DCAF16: variants seen among roughly 807,000 people sequenced by gnomAD.
DCAF16 encodes the protein DDB1- and CUL4-associated factor 16.
In DCAF16, 10 loss-of-function variants were observed where a neutral mutation model predicts 17.3. The observed-to-expected ratio is 0.58, with a 90% CI of 0.36 to 0.98. The LOEUF (loss-of-function observed/expected upper bound fraction) is 0.98, where lower values mean the gene tolerates loss of function less well. Ranked by LOEUF, DCAF16 falls within the 50% of genes least tolerant of loss-of-function variation. The pLI, the probability that DCAF16 is intolerant of heterozygous loss-of-function variation, is 0.01. For synonymous variants in DCAF16, 111 were observed against 92.8 expected (o/e 1.20, Z -1.12); for missense variants, 249 against 247.6 (o/e 1.01, Z -0.04).
At chr4:17,809,645 CG>C (rs948795182) in intron 1 of DCAF16, 8 of 152,092 alleles carry the variant, frequency 5.3e-5, no homozygotes, top group African/African-American at 1.9e-4. Flanking sequence ...GAGGGAAAAA[CG>C]GCTTCCCTCC....
At chr4:17,805,991 G>A (rs1214411166) in intron 1 of DCAF16, among the ~76,000 whole-genome samples, 1 of 152,090 alleles carries the variant, frequency 6.6e-6, no homozygotes, top group Admixed American at 6.6e-5. Context: ...AGCAAAAAGT[G>A]AAATTAGCTA....
chr4:17,804,001 C>T lies in DCAF16; in HGVS notation c.141G>A (p.Ser47=), dbSNP rs780388370. The change falls in exon 3 of 3, where the codon TCG becomes TCA. Residue 47 remains serine (S), a synonymous_variant. Transcript: ENST00000382247. Reference sequence around the variant, plus strand: ...CCTGCCAGGCAAGACTCTCAAGAGGCGATAAGTTGGGCACCATAGAGTCCT... The same window carrying T: ...CCTGCCAGGCAAGACTCTCAAGAGGTGATAAGTTGGGCACCATAGAGTCCT... ...EEEDSMVPNL[S]PLESLAWQVK... is the part of the protein sequence containing the mutation. 6.2e-6 allele frequency: 10 copies of T among 1,614,016 alleles called. No individual in the cohort carries two copies. Among genetic ancestry groups the T allele is most frequent in the South Asian group, 2.2e-5 (2 of 91,080 alleles).
chr4:17,808,018 C>T (rs982652473), intron 1 of DCAF16, among the ~76,000 whole-genome samples: 2 of 152,128 alleles, frequency 1.3e-5, no homozygotes, highest in African/African-American at 2.4e-5. Context: ...TAAGTAACTA[C>T]CACAAGCATG....
rs1476243606 is a variant in DCAF16, at chr4:17,804,169, A to C, written c.-28T>G. The C allele has an allele frequency of 6.3e-7, 1 of 1,579,544 alleles. No homozygotes were observed. The highest frequency in any genetic ancestry group is 1.4e-5 in the African/African-American group (1 of 72,978). On this transcript the variant is annotated 5_prime_UTR_variant, in exon 3 of 3. Coordinates refer to ENST00000382247, the MANE Select transcript of DCAF16 (RefSeq NM_017741.4). ...GAATAAAACACAGTAAGGAACCAGA[A>C]AAAGGTAATAATCTAAGCCAGCAGA...
chr4:17,793,899 A>G, the DCAF16 span, among the ~76,000 whole-genome samples: 1 of 152,174 alleles, frequency 6.6e-6, no homozygotes. Flanking sequence ...GGTTTACTCA[A>G]TAGATTTGAT....
At chr4:17,796,291 TTG>T (rs1719423599), downstream of DCAF16, among the ~76,000 whole-genome samples, 1 of 152,184 alleles carries the variant, frequency 6.6e-6, no homozygotes. Flanking sequence ...TGTTCCAAAT[TTG>T]TGAACCTTTT....
chr4:17,808,816 G>A (rs1304699194), intron 1 of DCAF16, among the ~76,000 whole-genome samples: 2 of 152,194 alleles, frequency 1.3e-5, no homozygotes, highest in African/African-American at 4.8e-5. Flanking sequence ...ATCACCTGAG[G>A]TCAGGAGTTC....
rs1719913685 is a variant in DCAF16 at position 17,802,796 on chromosome 4, A to G, written c.*695T>C. 6.6e-6 allele frequency: 1 copy of G among 152,248 alleles called. No homozygotes were observed. The highest frequency in any genetic ancestry group is 1.5e-5 in the Non-Finnish European group (1 of 68,064). 9.4% of individuals were successfully genotyped at this position (152,248 alleles called of 1,614,324 possible). On this transcript the variant is annotated 3_prime_UTR_variant, in exon 3 of 3. Coordinates refer to ENST00000382247, the MANE Select transcript of DCAF16 (RefSeq NM_017741.4). ...CTACTTCCACAGAAATGTATGTTAG[A>G]GAAGAGTATGCTCAGAAAGGTATTA...
At chr4:17,799,904 C>G (rs1264742612), downstream of DCAF16, among the ~76,000 whole-genome samples, 1 of 152,010 alleles carries the variant, frequency 6.6e-6, no homozygotes, top group East Asian at 1.9e-4. Context: ...AATCCCAGCA[C>G]TTTGGGAGGC....
In DCAF16 at chr4:17,802,808, T is replaced by C. The variant is rs1232433087; in HGVS notation, c.*683A>G. On this transcript the variant is annotated 3_prime_UTR_variant, in exon 3 of 3. Coordinates refer to ENST00000382247, the MANE Select transcript of DCAF16 (RefSeq NM_017741.4). ...AAATGTATGTTAGAGAAGAGTATGCTCAGAAAGGTATTATTGTGGGTAGCT... is the reference window on the plus strand; with the variant it reads ...AAATGTATGTTAGAGAAGAGTATGCCCAGAAAGGTATTATTGTGGGTAGCT... The C allele has an allele frequency of 1.3e-5, 2 of 152,240 alleles. No homozygotes were observed. The highest frequency in any genetic ancestry group is 4.8e-5 in the African/African-American group (2 of 41,466). The allele number at this position is 152,240 out of a possible 1,614,324, so 9.4% of individuals were successfully genotyped here.
chr4:17,803,833 A>C lies in DCAF16; in HGVS notation c.309T>G (p.Cys103Trp), dbSNP rs1036309207. 2 of 1,614,226 alleles carry C rather than the reference A, an allele frequency of 1.2e-6. No homozygotes were observed. Among genetic ancestry groups the C allele is most frequent in the South Asian group, 1.1e-5 (1 of 91,090 alleles). Residue 103 changes from cysteine to tryptophan, a missense_variant, in exon 3 of 3, where the codon TGT (cysteine) becomes TGG (tryptophan). Transcript: ENST00000382247. ...IGLRLSHCSH[C>W]VPKLEPIPEW... Reference sequence around the variant, plus strand: ...CAGGAATTGGTTCCAGTTTGGGGACACAATGGGAACAATGGGAGAGTCTTA... The same window carrying C: ...CAGGAATTGGTTCCAGTTTGGGGACCCAATGGGAACAATGGGAGAGTCTTA...
At chr4:17,809,708 A>T (rs1187147406) in intron 1 of DCAF16, 1 of 152,318 alleles carries the variant, frequency 6.6e-6, no homozygotes, top group Admixed American at 6.5e-5. Context: ...ATAGACATTA[A>T]CAAGAAAAAA....
chr4:17,805,643 T>A (rs1197364810), intron 1 of DCAF16, among the ~76,000 whole-genome samples: 5 of 152,296 alleles, frequency 3.3e-5, no homozygotes, highest in Middle Eastern at 3.4e-3. Flanking sequence ...TTATCCTGAA[T>A]AAGATGAGAT....
chr4:17,795,005 C>T, the DCAF16 span, among the ~76,000 whole-genome samples: 361 of 152,250 alleles, frequency 2.4e-3, 1 homozygote, highest in African/African-American at 8.3e-3. Flanking sequence ...CCCATGCCTT[C>T]TCAGATTACT....
At position 17,803,873 on chromosome 4, in the gene DCAF16, A is replaced by T; in HGVS notation, c.269T>A (p.Leu90His). 3.1e-6 allele frequency: 5 copies of T among 1,614,208 alleles called. No individual in the cohort carries two copies. Among genetic ancestry groups the T allele is most frequent in the Non-Finnish European group, 4.2e-6 (5 of 1,180,034 alleles). The change falls in exon 3 of 3, where the codon CTT becomes CAT. Residue 90 changes from leucine (L) to histidine (H), a missense_variant. Physicochemically the swap from Leu to His is moderately conservative, Grantham distance 99. Coordinates refer to ENST00000382247, the MANE Select transcript of DCAF16 (RefSeq NM_017741.4). ...LLDPSTPVHI[L>H]REIGLRLSHC... is the part of the protein sequence containing the mutation. ...GGAGAGTCTTAGACCTATCTCTCGA[A>T]GTATATGGACTGGTGTGCTTGGATC...
chr4:17,806,213 TTTAA>T (rs1488804022), intron 1 of DCAF16, among the ~76,000 whole-genome samples: 1 of 152,208 alleles, frequency 6.6e-6, no homozygotes, highest in Non-Finnish European at 1.5e-5. Context: ...TATTCATTAA[TTTAA>T]TTACTCATAT....
At chr4:17,809,692 C>T (rs1720686487) in intron 1 of DCAF16, 1 of 152,058 alleles carries the variant, frequency 6.6e-6, no homozygotes, top group Non-Finnish European at 1.5e-5. Flanking sequence ...TACAAATTAA[C>T]CTGACATAGA....
chr4:17,806,968 T>C (rs1560214431), intron 1 of DCAF16, among the ~76,000 whole-genome samples: 1 of 152,036 alleles, frequency 6.6e-6, no homozygotes, highest in Non-Finnish European at 1.5e-5. Flanking sequence ...TGGCTCATTA[T>C]ATGAAAAAAA....
At chr4:17,807,251 C>A (rs2109027060) in intron 1 of DCAF16, among the ~76,000 whole-genome samples, 1 of 152,278 alleles carries the variant, frequency 6.6e-6, no homozygotes, top group South Asian at 2.1e-4. Context: ...CACAATTAAT[C>A]ATTTCTGGAC....
Sources: gnomAD v4.1 joint callset for allele counts (sites outside exome capture counted in the v4.1 genomes callset) on GRCh38, gnomAD v4.1.1 for gene constraint, MANE v1.5 for transcripts, NCBI Gene and HGNC (gene_info 2026-07-23, HGNC 2026-07-21) for gene names.